Variants in NBPF15 observed in about 807,000 individuals in gnomAD.
The protein encoded by NBPF15 is NBPF family member NBPF15.
A neutral mutation model predicts 62.2 loss-of-function variants in NBPF15; 74 were observed. The ratio of observed to expected loss-of-function variants is 1.19; its 90% CI spans 0.99 to 1.44. The LOEUF is 1.44. Among genes scored for constraint, NBPF15 ranks in the 40% most tolerant of loss-of-function variants. NBPF15 has a pLI of 0.00. For missense variants in NBPF15, 790 were observed against 550.0 expected, an observed-to-expected ratio of 1.44 and a Z score of -4.36; for synonymous variants, 244 against 209.7, an observed-to-expected ratio of 1.16 and a Z score of -1.41.
At chr1:144,456,057 A>T (rs1299353525) in intron 4 of NBPF15, among the ~76,000 whole-genome samples, 1 of 151,886 alleles carries the variant, frequency 6.6e-6, no homozygotes, top group South Asian at 2.1e-4. Context: ...TCCTGGACAC[A>T]TCTAGAGGGC....
At chr1:144,432,861 C>T (rs1271949517) in intron 13 of NBPF15, among the ~76,000 whole-genome samples, 49 of 152,032 alleles carry the variant, frequency 3.2e-4, no homozygotes, top group Non-Finnish European at 6.3e-4. Flanking sequence ...TAATGGGAGA[C>T]TTTAACACCC....
At chr1:144,438,622 T>G (rs1680467448) in intron 8 of NBPF15, among the ~76,000 whole-genome samples, 1 of 151,998 alleles carries the variant, frequency 6.6e-6, no homozygotes, top group African/African-American at 2.4e-5. Context: ...CTAATAAAGT[T>G]TGTGTTAATT....
chr1:144,426,508 C>G lies in NBPF15; in HGVS notation c.1266-58G>C, dbSNP rs1213600765. On this transcript the variant is annotated intron_variant, in intron 17 of 21. Coordinates refer to ENST00000581897, the MANE Select transcript of NBPF15 (RefSeq NM_001385408.1). ...AGGGAGAATCAGAAACCACACAGCC[C>G]CAGCTAGATTTCATGGCTAACATAA... is the stretch of plus-strand genomic sequence containing the variant. The G allele has an allele frequency of 3.8e-6, 3 of 783,490 alleles. No individual in the cohort carries two copies. The African/African-American group carries it at 5.1e-5, about 13-fold the overall frequency. 48.5% of individuals were successfully genotyped at this position (783,490 alleles called of 1,614,324 possible).
Position 144,456,671 on chromosome 1 carries a change from C to G in NBPF15, c.-566G>C. 2 of 1,450,362 alleles carry G rather than the reference C, an allele frequency of 1.4e-6. No individual in the cohort carries two copies. The highest frequency in any genetic ancestry group is 1.8e-6 in the Non-Finnish European group (2 of 1,092,850). 89.8% of individuals were successfully genotyped at this position (1,450,362 alleles called of 1,614,324 possible). Reference sequence around the variant, plus strand: ...TGGACAGTGGGAGTTGGTGGCAGCCCCAGCGTGGAGGCCAAGAACACACAG... The same window carrying G: ...TGGACAGTGGGAGTTGGTGGCAGCCGCAGCGTGGAGGCCAAGAACACACAG... On this transcript the variant is annotated 5_prime_UTR_variant, in exon 4 of 22. Coordinates refer to ENST00000581897, the MANE Select transcript of NBPF15 (RefSeq NM_001385408.1).
chr1:144,445,687 A>C (rs1306636269), intron 6 of NBPF15, among the ~76,000 whole-genome samples: 1 of 151,518 alleles, frequency 6.6e-6, no homozygotes, highest in Non-Finnish European at 1.5e-5. Context: ...TTAGAATTGC[A>C]TTGGATCTGG....
Position 144,461,622 on chromosome 1 carries a change from T to G in NBPF15, c.-1179A>C, listed in dbSNP as rs1290993367. The G allele has an allele frequency of 1.3e-5, 2 of 152,470 alleles. No homozygotes were observed. Among genetic ancestry groups the G allele is most frequent in the Non-Finnish European group, 2.9e-5 (2 of 68,416 alleles). The allele number at this position is 152,470 out of a possible 1,614,324, so 9.4% of individuals were successfully genotyped here. On this transcript the variant is annotated 5_prime_UTR_variant, in exon 1 of 22. Coordinates refer to ENST00000581897, the MANE Select transcript of NBPF15 (RefSeq NM_001385408.1). Reference sequence around the variant, plus strand: ...CTCAACCGCCGCCCAGCCCATAGCCTGCGCCAGCTGGCTCCTCAGGGTCCC... The same window carrying G: ...CTCAACCGCCGCCCAGCCCATAGCCGGCGCCAGCTGGCTCCTCAGGGTCCC...
intron 6 of NBPF15, among the ~76,000 whole-genome samples, chr1:144,442,281 G>A (rs587693506): frequency 1.4e-4 from 15 of 106,994 alleles, no homozygotes; most frequent in African/African-American, 4.2e-4. Flanking sequence ...ATATATACAC[G>A]TGTATATATT....
At chr1:144,425,601 A>C in intron 18 of NBPF15, 33 bp from the exon 19 acceptor site, 1 of 538,284 alleles carries the variant, frequency 1.9e-6, no homozygotes, top group South Asian at 1.9e-5. Context: ...CAGACAAAAT[A>C]AGCCAATTCA....
intron 14 of NBPF15, among the ~76,000 whole-genome samples, chr1:144,429,201 G>A (rs587773232): frequency 9.3e-5 from 14 of 151,186 alleles, no homozygotes; most frequent in South Asian, 4.2e-4. Flanking sequence ...TAAAACAAGC[G>A]CACTTAGAAG....
At chr1:144,447,675 TC>T (rs1172329087) in intron 6 of NBPF15, among the ~76,000 whole-genome samples, 12 of 152,062 alleles carry the variant, frequency 7.9e-5, no homozygotes, top group African/African-American at 2.7e-4. Flanking sequence ...GACACTAATA[TC>T]CCCAAGTCTG....
intron 12 of NBPF15, among the ~76,000 whole-genome samples, chr1:144,434,500 CAAAAAAA>C (rs1209074766): frequency 4.9e-5 from 3 of 61,014 alleles, no homozygotes; most frequent in Admixed American, 3.7e-4. Flanking sequence ...GACTCCATCG[CAAAAAAA>C]AAAAAAAAAA....
In NBPF15 at chr1:144,423,065, G is replaced by T. The variant is rs587606622; in HGVS notation, c.1961C>A (p.Thr654Lys). ...GAACACCAGGTGGAGACTTGTCACCGTCAAAGTAAAAAACCTATTGTCCAC... is the reference window on the plus strand; with the variant it reads ...GAACACCAGGTGGAGACTTGTCACCTTCAAAGTAAAAAACCTATTGTCCAC... ...LYVDNRFFTL[T>K]VTSLHLVFQM... Residue 654 changes from threonine (T) to lysine (K), a missense_variant, in exon 22 of 22, where the codon ACG becomes AAG. Physicochemically the swap from Thr to Lys is moderately conservative, Grantham distance 78. Transcript: ENST00000581897. 3 of 1,611,478 alleles carry T rather than the reference G, an allele frequency of 1.9e-6. No individual in the cohort carries two copies. In the African/African-American group the frequency reaches 4.0e-5, roughly 22 times the overall value.
At position 144,423,141 on chromosome 1, in the gene NBPF15, T is replaced by G. The variant is rs1553538552; in HGVS notation, c.1885A>C (p.Arg629=). Residue 629 remains arginine, a synonymous_variant, in exon 22 of 22, where the codon AGA becomes CGA. Transcript: ENST00000581897. ...TCCTCAAATGAGTAAAACACACTTC[T>G]GTAGTGCTGGAATGAGTCAGGTTGT... ...FEQPDSFQHY[R]SVFYSFEEEH... The G allele has an allele frequency of 1.2e-6, 2 of 1,611,578 alleles. No homozygotes were observed. The highest frequency in any genetic ancestry group is 1.7e-5 in the Admixed American group (1 of 59,992).
chr1:144,456,394 A>G (rs587634129), intron 4 of NBPF15, 143 bp downstream of exon 4: 8 of 829,774 alleles, frequency 9.6e-6, no homozygotes, highest in Admixed American at 5.2e-5. Flanking sequence ...CATTCACCTA[A>G]CAAATATTAA....
In NBPF15 at chr1:144,433,003, T is replaced by C. The variant is rs1284622689; in HGVS notation, c.824+770A>G. Among the ~76,000 whole-genome samples the C allele has an allele frequency of 2.0e-5, 3 of 151,844 alleles. No individual in the cohort carries two copies. The East Asian group carries it at 5.8e-4, about 29-fold the overall frequency. On this transcript the variant is annotated intron_variant, in intron 13 of 21. Coordinates refer to ENST00000581897, the MANE Select transcript of NBPF15 (RefSeq NM_001385408.1). ...CCACCCCAAATCAACAGAATATACA[T>C]TCTTCTCAGCACCACATCACACTTA...
chr1:144,454,707 C>A (rs1693274614), intron 4 of NBPF15, among the ~76,000 whole-genome samples: 1 of 146,386 alleles, frequency 6.8e-6, no homozygotes, highest in Admixed American at 6.6e-5. Context: ...CTGGGGTGCC[C>A]CCGGAACACA....
rs587612825 is a variant in NBPF15, at chr1:144,461,616, A to T, written c.-1173T>A. 6.6e-6 allele frequency: 1 copy of T among 152,544 alleles called. No individual in the cohort carries two copies. The highest frequency in any genetic ancestry group is 2.4e-5 in the African/African-American group (1 of 41,414). 9.4% of individuals were successfully genotyped at this position (152,544 alleles called of 1,614,324 possible). ...CGCTGTCTCAACCGCCGCCCAGCCC[A>T]TAGCCTGCGCCAGCTGGCTCCTCAG... On this transcript the variant is annotated 5_prime_UTR_variant, in exon 1 of 22. An upstream start codon of the reference 5' UTR is lost. Transcript: ENST00000581897.
At position 144,422,592 on chromosome 1, in the gene NBPF15, A is replaced by G; in HGVS notation, c.*421T>C. The stretch of plus-strand genomic sequence containing the variant: ...GATGGATCAGCTAAAACAAGCCAAC[A>G]CTGAAGACACAAAGAATGAGGTTAG... On this transcript the variant is annotated 3_prime_UTR_variant, in exon 22 of 22. Coordinates refer to ENST00000581897, the MANE Select transcript of NBPF15 (RefSeq NM_001385408.1). 1 of 256,554 alleles carries G rather than the reference A, an allele frequency of 3.9e-6. No individual in the cohort carries two copies. Among genetic ancestry groups the G allele is most frequent in the South Asian group, 4.4e-5 (1 of 22,594 alleles). The allele number at this position is 256,554 out of a possible 1,614,324, so 15.9% of individuals were successfully genotyped here.
At chr1:144,444,441 T>A (rs1448267839) in intron 6 of NBPF15, among the ~76,000 whole-genome samples, 3 of 151,570 alleles carry the variant, frequency 2.0e-5, no homozygotes, top group Non-Finnish European at 4.4e-5. Flanking sequence ...CTGAAGAAAC[T>A]CCCCAGGCCT....
Sources: gnomAD v4.1 joint callset for allele counts (sites outside exome capture counted in the v4.1 genomes callset) on GRCh38, gnomAD v4.1.1 for gene constraint, MANE v1.5 for transcripts, NCBI Gene and HGNC (gene_info 2026-07-23, HGNC 2026-07-21) for gene names.